CEP135: variants seen among roughly 807,000 people sequenced by gnomAD.
CEP135 encodes the protein centrosomal protein of 135 kDa.
A neutral mutation model predicts 157.3 loss-of-function variants in CEP135; 142 were observed. The ratio of observed to expected loss-of-function variants is 0.90; its 90% CI spans 0.79 to 1.04. CEP135 has a LOEUF of 1.04. Ranked by LOEUF, CEP135 falls within the 50% of genes least tolerant of loss-of-function variation. CEP135 has a pLI of 0.00. For missense variants in CEP135, 1,317 were observed against 1,309.2 expected, an observed-to-expected ratio of 1.01 and a Z score of -0.09; for synonymous variants, 396 against 439.8, an observed-to-expected ratio of 0.90 and a Z score of 1.25.
At chr4:55,988,171 A>G (rs1175145329) in intron 14 of CEP135, among the ~76,000 whole-genome samples, 1 of 151,362 alleles carries the variant, frequency 6.6e-6, no homozygotes, top group Non-Finnish European at 1.5e-5. Flanking sequence ...AATTTTCCCC[A>G]ACTTGATCTA....
rs544385501 is a variant in CEP135 at position 56,030,507 on chromosome 4, G to A, written c.*12-853G>A. On this transcript the variant is annotated intron_variant, in intron 25 of 25. Coordinates refer to ENST00000257287, the MANE Select transcript of CEP135 (RefSeq NM_025009.5). ...TCGCTCTGTTGCCCAGACTGGAGAGGTGCAGTGTGCCATCAGAGTTCACTG... is the reference window on the plus strand; with the variant it reads ...TCGCTCTGTTGCCCAGACTGGAGAGATGCAGTGTGCCATCAGAGTTCACTG... 6.6e-5 allele frequency among the ~76,000 whole-genome samples: 10 copies of A among 152,266 alleles called. No individual in the cohort carries two copies. The South Asian group carries it at 1.0e-3, about 16-fold the overall frequency.
intron 17 of CEP135, among the ~76,000 whole-genome samples, chr4:56,002,376 G>A (rs1272027102): frequency 6.6e-6 from 1 of 151,910 alleles, no homozygotes; most frequent in East Asian, 1.9e-4. Context: ...TTGGCCCTAG[G>A]GTTAGGCCTC....
Position 55,974,862 on chromosome 4 carries a change from T to G in CEP135, c.1366T>G (p.Tyr456Asp), listed in dbSNP as rs769922682. Residue 456 changes from tyrosine to aspartate, a missense_variant, in exon 11 of 26, where the codon TAT (tyrosine) becomes GAT (aspartate). Coordinates refer to ENST00000257287, the MANE Select transcript of CEP135 (RefSeq NM_025009.5). ...FLKGIEEERD[Y>D]YKKELERLQH... is the part of the protein sequence containing the mutation. ...GAAAGGTATAGAAGAAGAACGAGAT[T>G]ATTATAAGAAAGAGCTAGAGAGACT... is the stretch of plus-strand genomic sequence containing the variant. The G allele has an allele frequency of 6.2e-7, 1 of 1,613,850 alleles. No individual in the cohort carries two copies. The highest frequency in any genetic ancestry group is 8.5e-7 in the Non-Finnish European group (1 of 1,179,836).
chr4:55,979,251 A>C (rs1315524595), intron 11 of CEP135, among the ~76,000 whole-genome samples: 1 of 152,094 alleles, frequency 6.6e-6, no homozygotes. Context: ...TTTTTTTAAT[A>C]GGAAAAAGGC....
Position 55,953,262 on chromosome 4 carries a change from C to A in CEP135, c.291C>A (p.Asp97Glu). The change falls in exon 3 of 26, where the codon GAC (aspartate) becomes GAA (glutamate). Residue 97 changes from aspartate (D) to glutamate (E), a missense_variant. Physicochemically the swap from Asp to Glu is conservative, Grantham distance 45. Coordinates refer to ENST00000257287, the MANE Select transcript of CEP135 (RefSeq NM_025009.5). ...LELMKLREHS[D>E]QHVKELKTSL... ...TAATGAAACTGAGAGAACATTCAGA[C>A]CAACACGTTAAAGGTAAGTGAAAAT... 1 of 1,538,196 alleles carries A rather than the reference C, an allele frequency of 6.5e-7. No homozygotes were observed. Among genetic ancestry groups the A allele is most frequent in the South Asian group, 1.3e-5 (1 of 79,888 alleles).
rs146354019 is a variant in CEP135, at chr4:55,991,190, A to G, written c.1858-744A>G. Among the ~76,000 whole-genome samples the G allele has an allele frequency of 6.2e-3, 944 of 152,110 alleles. 11 individuals carry two copies. Among genetic ancestry groups the G allele is most frequent in the African/African-American group, 0.021 (890 of 41,522 alleles). On this transcript the variant is annotated intron_variant, in intron 14 of 25. Coordinates refer to ENST00000257287, the MANE Select transcript of CEP135 (RefSeq NM_025009.5). ...ATGGGGTTTCACCGTGCTAGCCAGG[A>G]TAGTCTCCATCTCTTGACTTCATGA...
In CEP135 at chr4:56,024,531, T is replaced by C; in HGVS notation, c.3351T>C (p.His1117=). 1 of 1,613,894 alleles carries C rather than the reference T, an allele frequency of 6.2e-7. No homozygotes were observed. Among genetic ancestry groups the C allele is most frequent in the Non-Finnish European group, 8.5e-7 (1 of 1,179,852 alleles). ...GAGCAATCCAAGAGATGCGTCGACATGGTCTTGCTACACCACCCCTTAGTT... is the reference window on the plus strand; with the variant it reads ...GAGCAATCCAAGAGATGCGTCGACACGGTCTTGCTACACCACCCCTTAGTT... ...RERAIQEMRR[H]GLATPPLSST... Residue 1117 remains histidine (H), a synonymous_variant, in exon 25 of 26, where the codon CAT becomes CAC. Transcript: ENST00000257287.
intron 25 of CEP135, among the ~76,000 whole-genome samples, chr4:56,026,692 CT>C (rs1731170396): frequency 6.6e-6 from 1 of 152,140 alleles, no homozygotes; most frequent in Admixed American, 6.5e-5. Flanking sequence ...TGTTCAAGCT[CT>C]AGGAGATATG....
At chr4:56,009,292 G>A (rs919141558) in intron 18 of CEP135, among the ~76,000 whole-genome samples, 1 of 152,060 alleles carries the variant, frequency 6.6e-6, no homozygotes, top group African/African-American at 2.4e-5. Flanking sequence ...CTCCCAAGTA[G>A]CTGGACTACA....
chr4:55,955,550 G>A (rs1483962982), intron 4 of CEP135, among the ~76,000 whole-genome samples: 3 of 152,186 alleles, frequency 2.0e-5, no homozygotes, highest in Non-Finnish European at 4.4e-5. Context: ...AAGAGATAGA[G>A]AAAAGTGGGA....
chr4:56,009,799 G>A lies in CEP135; in HGVS notation c.2401G>A (p.Ala801Thr). ...EINSLRRQLD[A>T]AHKELDEVGR... The stretch of plus-strand genomic sequence containing the variant: ...AAACAGCCTCCGGCGCCAGCTTGAT[G>A]CAGCTCACAAAGAACTCGATGAAGT... Residue 801 changes from alanine to threonine, a missense_variant, in exon 19 of 26, where the codon GCA becomes ACA. Transcript: ENST00000257287. 1 of 1,614,076 alleles carries A rather than the reference G, an allele frequency of 6.2e-7. No individual in the cohort carries two copies. The highest frequency in any genetic ancestry group is 8.5e-7 in the Non-Finnish European group (1 of 1,179,998).
intron 1 of CEP135, 100 bp from the exon 2 acceptor site, chr4:55,951,986 C>T: frequency 6.1e-6 from 3 of 489,742 alleles, no homozygotes; most frequent in Non-Finnish European, 1.1e-5. Flanking sequence ...TGAAGAAAAA[C>T]AAAAAATAAT....
chr4:55,984,373 A>G (rs923425587), intron 13 of CEP135, among the ~76,000 whole-genome samples: 24 of 152,222 alleles, frequency 1.6e-4, no homozygotes, highest in African/African-American at 5.3e-4. Context: ...TTGATGGGAA[A>G]TGAACCCTAG....
At chr4:56,013,245 A>C (rs1343794948) in intron 21 of CEP135, among the ~76,000 whole-genome samples, 2 of 152,014 alleles carry the variant, frequency 1.3e-5, no homozygotes, top group African/African-American at 2.4e-5. Context: ...GATTGTTTTA[A>C]ATTGTTGTTG....
At chr4:56,013,567 A>G (rs1730666380) in intron 21 of CEP135, among the ~76,000 whole-genome samples, 1 of 152,190 alleles carries the variant, frequency 6.6e-6, no homozygotes, top group Non-Finnish European at 1.5e-5. Context: ...AGAGCCCAGC[A>G]TCATTTTTTT....
intron 23 of CEP135, 95 bp downstream of exon 23, chr4:56,019,650 G>A (rs1166061361): frequency 1.0e-6 from 1 of 1,002,406 alleles, no homozygotes; most frequent in African/African-American, 1.6e-5. Context: ...GAGTATGAAA[G>A]ATAGGCCAGG....
At chr4:55,993,092 A>G (rs1729847541) in intron 15 of CEP135, among the ~76,000 whole-genome samples, 1 of 152,212 alleles carries the variant, frequency 6.6e-6, no homozygotes. Flanking sequence ...TGACACTTTA[A>G]AAAAAAGATT....
At chr4:56,028,736 T>C (rs537582621) in intron 25 of CEP135, among the ~76,000 whole-genome samples, 10 of 152,342 alleles carry the variant, frequency 6.6e-5, no homozygotes, top group African/African-American at 2.4e-4. Flanking sequence ...GCATGCTATT[T>C]GAGATAGGAA....
intron 11 of CEP135, 41 bp from the exon 12 acceptor site, chr4:55,980,102 A>C (rs1729348762): frequency 6.7e-7 from 1 of 1,499,052 alleles, no homozygotes; most frequent in Non-Finnish European, 9.2e-7. Context: ...TGTGACAACC[A>C]TGTGGTGATG....
Sources: gnomAD v4.1 joint callset for allele counts (sites outside exome capture counted in the v4.1 genomes callset) on GRCh38, gnomAD v4.1.1 for gene constraint, MANE v1.5 for transcripts, NCBI Gene and HGNC (gene_info 2026-07-23, HGNC 2026-07-21) for gene names.